Variants in FILIP1 observed in about 807,000 individuals in gnomAD.
The protein encoded by FILIP1 is filamin-A-interacting protein 1.
In FILIP1, 61 loss-of-function variants were observed where a neutral mutation model predicts 102.1. The ratio of observed to expected loss-of-function variants is 0.60; its 90% CI spans 0.49 to 0.74. The LOEUF (loss-of-function observed/expected upper bound fraction) is 0.74, where lower values mean the gene tolerates loss of function less well. FILIP1 is among the 30% of genes least tolerant of loss of function. The pLI is 0.00. For missense variants in FILIP1, 1,314 were observed against 1,441.2 expected, an observed-to-expected ratio of 0.91 and a Z score of 1.43; for synonymous variants, 491 against 526.9, an observed-to-expected ratio of 0.93 and a Z score of 0.93.
At chr6:75,375,299 A>C (rs1775714909) in intron 2 of FILIP1, among the ~76,000 whole-genome samples, 1 of 152,346 alleles carries the variant, frequency 6.6e-6, no homozygotes, top group Non-Finnish European at 1.5e-5. Context: ...TATAGCTTAC[A>C]TCATGCTCTC....
intron 2 of FILIP1, chr6:75,386,309 C>T (rs1191679046): frequency 6.6e-6 from 1 of 152,200 alleles, no homozygotes; most frequent in Non-Finnish European, 1.5e-5. Flanking sequence ...CGCCAGATTT[C>T]TCAGCACTGA....
chr6:75,470,261 C>T (rs1427648420), intron 1 of FILIP1, among the ~76,000 whole-genome samples: 1 of 151,958 alleles, frequency 6.6e-6, no homozygotes, highest in African/African-American at 2.4e-5. Flanking sequence ...CTATATATTG[C>T]CATTGATTGT....
chr6:75,362,702 T>A (rs777822873), intron 3 of FILIP1, 42 bp downstream of exon 3: 5 of 1,590,464 alleles, frequency 3.1e-6, no homozygotes, highest in South Asian at 1.1e-5. Flanking sequence ...GATATCTCCC[T>A]GAGGTTCCCA....
At chr6:75,428,517 A>G (rs1777710345) in intron 1 of FILIP1, 1 of 154,356 alleles carries the variant, frequency 6.5e-6, no homozygotes, top group Admixed American at 6.5e-5. Flanking sequence ...GTTAGTCCCA[A>G]GACCAAACAT....
chr6:75,396,335 G>C (rs191949832), intron 2 of FILIP1, among the ~76,000 whole-genome samples: 7 of 152,030 alleles, frequency 4.6e-5, no homozygotes, highest in African/African-American at 1.7e-4. Context: ...GCCAAAGGGG[G>C]ACAAGACTGC....
intron 4 of FILIP1, among the ~76,000 whole-genome samples, chr6:75,321,377 G>A (rs994436188): frequency 2.6e-5 from 4 of 152,156 alleles, no homozygotes; most frequent in Non-Finnish European, 4.4e-5. Context: ...GAAAATCAGA[G>A]GGAAACATGC....
rs754928211 is a variant in FILIP1, at chr6:75,313,569, A to T, written c.2263T>A (p.Phe755Ile). 3.1e-6 allele frequency: 5 copies of T among 1,614,006 alleles called. No homozygotes were observed. The Admixed American group carries it at 5.0e-5, about 16-fold the overall frequency. Residue 755 changes from phenylalanine to isoleucine, a missense_variant, in exon 5 of 6, where the codon TTT becomes ATT. Phe to Ile is a conservative substitution (Grantham distance 21, BLOSUM62 0). Coordinates refer to ENST00000237172, the MANE Select transcript of FILIP1 (RefSeq NM_015687.5). The surrounding 1 kb of genome is among the most constrained non-coding windows in gnomAD (Gnocchi z 4.2). ...QVDYSVLQQR[F>I]MEEENKNKNM... ...TTGTTCTTATTTTCTTCTTCCATAA[A>T]TCTTTGTTGAAGTACAGAATAATCT...
At chr6:75,395,351 C>G (rs1260401521) in intron 2 of FILIP1, among the ~76,000 whole-genome samples, 1 of 152,142 alleles carries the variant, frequency 6.6e-6, no homozygotes, top group African/African-American at 2.4e-5. Context: ...ACGATCTTGG[C>G]TCACTGCAAC....
intron 2 of FILIP1, among the ~76,000 whole-genome samples, chr6:75,386,965 G>A (rs1776115398): frequency 6.6e-6 from 1 of 151,928 alleles, no homozygotes; most frequent in Non-Finnish European, 1.5e-5. Context: ...TCTACATTAG[G>A]TATTTTGCCT....
intron 4 of FILIP1, among the ~76,000 whole-genome samples, chr6:75,327,359 C>T (rs758093290): frequency 7.2e-5 from 11 of 152,088 alleles, no homozygotes; most frequent in Admixed American, 2.6e-4. Context: ...CCCAGTCTGA[C>T]TCCCAACTTC....
chr6:75,473,084 G>A lies in FILIP1; in HGVS notation c.-7+20330C>T, dbSNP rs778345829. Among the ~76,000 whole-genome samples, 18 of 152,152 alleles carry A rather than the reference G, an allele frequency of 1.2e-4. 1 individual carries two copies. Among genetic ancestry groups the A allele is most frequent in the Non-Finnish European group, 2.4e-4 (16 of 68,012 alleles). On this transcript the variant is annotated intron_variant, in intron 1 of 5. Transcript: ENST00000237172. ...GCAAAGACTTTTTCAGTTGCAGAGT[G>A]TGCATATGAAACCAGGTCTGGCTAC...
chr6:75,300,332 A>G (rs1353453416), intron 6 of FILIP1, among the ~76,000 whole-genome samples: 1 of 152,198 alleles, frequency 6.6e-6, no homozygotes, highest in East Asian at 1.9e-4. Flanking sequence ...CAATTTGCCT[A>G]TATATAACCT....
chr6:75,345,588 G>A (rs1202409973), intron 4 of FILIP1, among the ~76,000 whole-genome samples: 1 of 152,126 alleles, frequency 6.6e-6, no homozygotes, highest in Non-Finnish European at 1.5e-5. Flanking sequence ...AATAAGATTA[G>A]GTGGGGTGAC....
chr6:75,309,035 G>T, intron 5 of FILIP1, 138 bp from the exon 6 acceptor site: 1 of 871,760 alleles, frequency 1.1e-6, no homozygotes, highest in Non-Finnish European at 1.7e-6. Flanking sequence ...AAATAATTGT[G>T]AGAAACTTGG....
At chr6:75,490,690 C>T (rs997279031) in intron 1 of FILIP1, among the ~76,000 whole-genome samples, 8 of 151,560 alleles carry the variant, frequency 5.3e-5, no homozygotes, top group African/African-American at 1.9e-4. Context: ...TATATACATA[C>T]ACAGTCCTGT....
At chr6:75,414,599 T>A in intron 2 of FILIP1, 98 bp downstream of exon 2, 3 of 1,137,764 alleles carry the variant, frequency 2.6e-6, no homozygotes, top group South Asian at 1.6e-5. Flanking sequence ...CCTTTCCCCA[T>A]AAAGTTCATT....
intron 1 of FILIP1, among the ~76,000 whole-genome samples, chr6:75,449,218 T>A (rs1449513973): frequency 6.6e-6 from 1 of 152,074 alleles, no homozygotes; most frequent in Non-Finnish European, 1.5e-5. Flanking sequence ...CTAAGTGAAG[T>A]AACTCAGGAA....
chr6:75,435,002 A>G (rs1041584869), intron 1 of FILIP1, among the ~76,000 whole-genome samples: 1 of 152,192 alleles, frequency 6.6e-6, no homozygotes, highest in African/African-American at 2.4e-5. Flanking sequence ...TGATCTGTGT[A>G]TGTTGAACCA....
At chr6:75,419,151 A>C (rs1408850863) in intron 1 of FILIP1, among the ~76,000 whole-genome samples, 1 of 152,194 alleles carries the variant, frequency 6.6e-6, no homozygotes, top group Non-Finnish European at 1.5e-5. Flanking sequence ...AAAAGGAAAC[A>C]AAAAATGTCT....
Sources: allele counts gnomAD v4.1 joint callset (sites outside exome capture counted in the v4.1 genomes callset), GRCh38; gene constraint gnomAD v4.1.1; non-coding constraint Gnocchi (gnomAD v3.1); transcripts MANE v1.5; gene names NCBI Gene and HGNC (gene_info 2026-07-23, HGNC 2026-07-21).